Variants in USP9X observed in about 807,000 individuals in gnomAD.
USP9X encodes ubiquitin carboxyl-terminal hydrolase 9X.
USP9X carries 7 observed loss-of-function variants against 190.3 expected under a neutral mutation model. The observed-to-expected ratio is 0.04, with a 90% CI of 0.02 to 0.07. The LOEUF (loss-of-function observed/expected upper bound fraction) is 0.07, where lower values mean the gene tolerates loss of function less well. Among genes scored for constraint, USP9X ranks in the 10% least tolerant of loss-of-function variants. The pLI is 1.00. For missense variants in USP9X, 1,010 were observed against 1,916.9 expected (o/e 0.53, Z 8.83); for synonymous variants, 645 against 659.5 (o/e 0.98, Z 0.34).
intron 24 of USP9X, among the ~76,000 whole-genome samples, chrX:41,187,373 G>C (rs760907287): frequency 1.8e-5 from 2 of 111,904 alleles, no homozygotes; most frequent in African/African-American, 3.2e-5. Flanking sequence ...GTGTTGTGTG[G>C]ATTAGTAGTT....
At chrX:41,143,247 G>A (rs369316679) in intron 9 of USP9X, 44 bp from the exon 10 acceptor site, 3 of 1,009,656 alleles carry the variant, frequency 3.0e-6, no homozygotes, top group Non-Finnish European at 3.9e-6. Flanking sequence ...AGAAAAAATT[G>A]TTTTAATTTC....
chrX:41,145,533 A>C (rs2062456809), intron 11 of USP9X, among the ~76,000 whole-genome samples: 1 of 112,003 alleles, frequency 8.9e-6, no homozygotes, highest in South Asian at 3.7e-4. Flanking sequence ...TGAAAGAGCA[A>C]CTCAACCATA....
rs72624298 is a variant in USP9X at position 41,160,283 on chromosome X, C to T, written c.1898-2507C>T. ...AACAAGTCCAGGTATTTGTTTTGAA[C>T]TGAATATTTACTACTAAACTACCAA... On this transcript the variant is annotated intron_variant, in intron 14 of 44. Coordinates refer to ENST00000378308, the MANE Select transcript of USP9X (RefSeq NM_001039591.3). 1.3e-3 allele frequency among the ~76,000 whole-genome samples: 145 copies of T among 108,612 alleles called. 3 individuals are homozygous for T. In the East Asian group the frequency reaches 0.021, roughly 16 times the overall value. The allele number at this position is 108,612 out of a possible 115,157, so 94.3% of individuals were successfully genotyped here. A position where few individuals can be genotyped will look rare whatever the true frequency, so the allele number is the denominator to read the frequency against.
intron 21 of USP9X, among the ~76,000 whole-genome samples, chrX:41,179,184 G>T (rs1051141487): frequency 9.0e-6 from 1 of 111,615 alleles, no homozygotes; most frequent in African/African-American, 3.3e-5. Flanking sequence ...AGATTGATTC[G>T]GCTATTTGGA....
intron 9 of USP9X, 53 bp from the exon 10 acceptor site, chrX:41,143,238 G>GA (rs2062437956): frequency 1.0e-6 from 1 of 969,654 alleles, no homozygotes; most frequent in Non-Finnish European, 1.3e-6. Flanking sequence ...GAGCAATTAA[G>GA]AAAAAATTGT....
chrX:41,200,413 G>T (rs2063031499), intron 30 of USP9X, among the ~76,000 whole-genome samples: 2 of 111,686 alleles, frequency 1.8e-5, no homozygotes, highest in Non-Finnish European at 3.8e-5. Flanking sequence ...TTGTTTCCAG[G>T]TTTATACTAG....
chrX:41,173,124 C>T (rs941102099), intron 21 of USP9X, among the ~76,000 whole-genome samples: 2 of 111,166 alleles, frequency 1.8e-5, no homozygotes, highest in Non-Finnish European at 3.8e-5. Context: ...CCTTTTCTCT[C>T]TTCCCTTCTC....
Position 41,109,577 on chromosome X carries a change from TA to T in USP9X, c.-158-13892del, listed in dbSNP as rs748835382. Among the ~76,000 whole-genome samples, 77 of 112,452 alleles carry T rather than the reference TA, an allele frequency of 6.8e-4. No homozygotes were observed. In the East Asian group the frequency reaches 0.012, roughly 18 times the overall value. ...AGGAAGTAGCCATGGATGTACACAG[TA>T]ATTTAGTGACAAAAATCAGGAATCT... On this transcript the variant is annotated intron_variant, in intron 1 of 44. Coordinates refer to ENST00000378308, the MANE Select transcript of USP9X (RefSeq NM_001039591.3).
At chrX:41,228,326 C>T (rs1238569233) in intron 41 of USP9X, among the ~76,000 whole-genome samples, 1 of 111,997 alleles carries the variant, frequency 8.9e-6, no homozygotes, top group African/African-American at 3.2e-5. Flanking sequence ...GTTTGTGCCC[C>T]TACAATCATG....
At chrX:41,108,927 C>T (rs1435555711) in intron 1 of USP9X, among the ~76,000 whole-genome samples, 1 of 111,276 alleles carries the variant, frequency 9.0e-6, no homozygotes, top group Non-Finnish European at 1.9e-5. Flanking sequence ...GACTTCTTAG[C>T]CACTCTTGGT....
At chrX:41,101,761 A>G (rs1278767011) in intron 1 of USP9X, among the ~76,000 whole-genome samples, 4 of 112,847 alleles carry the variant, frequency 3.5e-5, no homozygotes, top group Non-Finnish European at 7.5e-5. Context: ...ATGTAAAACT[A>G]TTACAGAAAC....
intron 14 of USP9X, among the ~76,000 whole-genome samples, chrX:41,153,799 T>A (rs2062551646): frequency 8.9e-6 from 1 of 112,038 alleles, no homozygotes; most frequent in Admixed American, 9.5e-5. Context: ...TTGTTTCAAG[T>A]TTGTTTCCCG....
chrX:41,223,486 G>A (rs891883537), intron 39 of USP9X, 84 bp downstream of exon 39: 2 of 999,832 alleles, frequency 2.0e-6, no homozygotes, highest in Middle Eastern at 3.1e-4. Flanking sequence ...TGCCCAGGCT[G>A]GAGTGCAATG....
At chrX:41,118,934 A>G (rs749933376) in intron 1 of USP9X, among the ~76,000 whole-genome samples, 6 of 111,526 alleles carry the variant, frequency 5.4e-5, no homozygotes, top group Non-Finnish European at 9.4e-5. Context: ...GGAAGCTCAG[A>G]GTTTCAAGAA....
chrX:41,206,223 A>T (rs141754211), intron 32 of USP9X, among the ~76,000 whole-genome samples: 1 of 111,754 alleles, frequency 8.9e-6, no homozygotes, highest in African/African-American at 3.3e-5. Flanking sequence ...GTTTTGAAGC[A>T]AATCTTAGTT....
At chrX:41,131,341 T>C in intron 3 of USP9X, 116 bp from the exon 4 acceptor site, 1 of 523,431 alleles carries the variant, frequency 1.9e-6, no homozygotes, top group Non-Finnish European at 2.8e-6. Context: ...TTTAATGTTA[T>C]TTTAATATTA....
intron 36 of USP9X, 33 bp from the exon 37 acceptor site, chrX:41,218,339 T>C: frequency 8.4e-7 from 1 of 1,188,339 alleles, no homozygotes; most frequent in Non-Finnish European, 1.1e-6. Flanking sequence ...AGTTATTGAC[T>C]TAATAGTCAT....
At chrX:41,204,661 C>T (rs956239214) in intron 31 of USP9X, among the ~76,000 whole-genome samples, 1 of 111,671 alleles carries the variant, frequency 9.0e-6, no homozygotes, top group African/African-American at 3.3e-5. Flanking sequence ...CGTATTTTTA[C>T]TGTACCTTTT....
At chrX:41,196,528 G>A in intron 27 of USP9X, 64 bp from the exon 28 acceptor site, 2 of 1,171,738 alleles carry the variant, frequency 1.7e-6, no homozygotes, top group Non-Finnish European at 2.3e-6. Flanking sequence ...TTAACTCTGG[G>A]TTTTTAAAAA....
Sources: gnomAD v4.1 joint callset for allele counts (sites outside exome capture counted in the v4.1 genomes callset) on GRCh38, gnomAD v4.1.1 for gene constraint, MANE v1.5 for transcripts, NCBI Gene and HGNC (gene_info 2026-07-23, HGNC 2026-07-21) for gene names.